The following PAX2 variants were observed in gnomAD, a reference collection of about 807,000 sequenced individuals.
PAX2 encodes paired box protein Pax-2.
PAX2 carries 9 observed loss-of-function variants against 41.7 expected under a neutral mutation model. The ratio of observed to expected loss-of-function variants is 0.22; its 90% CI spans 0.13 to 0.38. The LOEUF (loss-of-function observed/expected upper bound fraction) is 0.38, where lower values mean the gene tolerates loss of function less well. Ranked by LOEUF, PAX2 falls within the 10% of genes least tolerant of loss-of-function variation. The probability of loss-of-function intolerance (pLI) is 1.00; values close to 1 mark genes in which losing one functional copy is unlikely to be tolerated. For synonymous variants in PAX2, 221 were observed against 212.7 expected (o/e 1.04, Z -0.34); for missense variants, 418 against 531.6 (o/e 0.79, Z 2.10).
At chr10:100,783,323 G>A (rs889516505) in intron 5 of PAX2, among the ~76,000 whole-genome samples, 4 of 152,250 alleles carry the variant, frequency 2.6e-5, no homozygotes, top group African/African-American at 9.6e-5. Flanking sequence ...AAACATGTGA[G>A]CTCAAAGAGC....
At chr10:100,780,663 G>A (rs1253624496) in intron 4 of PAX2, among the ~76,000 whole-genome samples, 1 of 152,228 alleles carries the variant, frequency 6.6e-6, no homozygotes, top group Non-Finnish European at 1.5e-5. Flanking sequence ...GCAGCTGAGA[G>A]AGAGAAATGC....
At chr10:100,747,405 G>T (rs74152642) in intron 1 of PAX2, 345 of 153,692 alleles carry the variant, frequency 2.2e-3, no homozygotes, top group African/African-American at 8.0e-3. Context: ...GAGAAAAGAG[G>T]GAATTATTTT....
At position 100,748,552 on chromosome 10, in the gene PAX2, A is replaced by G. The variant is rs1334122152; in HGVS notation, c.44-1194A>G. On this transcript the variant is annotated intron_variant, in intron 1 of 9. Coordinates refer to ENST00000355243, the MANE Select transcript of PAX2 (RefSeq NM_000278.5). The surrounding 1 kb of genome is among the most constrained non-coding windows in gnomAD (Gnocchi z 5.0). ...TCCGGGCCGACCCGACTCGGCCGCTAGAAGTCTCTGCGCTTGGATTGCTCA... is the reference window on the plus strand; with the variant it reads ...TCCGGGCCGACCCGACTCGGCCGCTGGAAGTCTCTGCGCTTGGATTGCTCA... 8 of 985,296 alleles carry G rather than the reference A, an allele frequency of 8.1e-6. No individual in the cohort carries two copies. The South Asian group carries it at 3.3e-4, about 41-fold the overall frequency. The allele number at this position is 985,296 out of a possible 1,614,324, so 61.0% of individuals were successfully genotyped here.
chr10:100,750,392 C>T lies in PAX2; in HGVS notation c.213-302C>T, dbSNP rs1192414804. On this transcript the variant is annotated intron_variant, in intron 2 of 9. Transcript: ENST00000355243. The surrounding 1 kb of genome is among the most constrained non-coding windows in gnomAD (Gnocchi z 4.1). ...CTCCCAGAGACCTTGCAGCGCTGTT[C>T]GTTTTGCTCTTCCCAAGTGAAAGGC... 6.6e-6 allele frequency among the ~76,000 whole-genome samples: 1 copy of T among 152,088 alleles called. No individual in the cohort carries two copies. The highest frequency in any genetic ancestry group is 1.5e-5 in the Non-Finnish European group (1 of 68,018).
intron 6 of PAX2, among the ~76,000 whole-genome samples, chr10:100,808,853 T>C (rs116160876): frequency 5.3e-5 from 8 of 152,212 alleles, no homozygotes; most frequent in African/African-American, 1.7e-4. Flanking sequence ...CAGGAGATGC[T>C]ACAGAAACAT....
At chr10:100,788,530 G>T (rs757277024) in intron 5 of PAX2, among the ~76,000 whole-genome samples, 1 of 152,204 alleles carries the variant, frequency 6.6e-6, no homozygotes, top group Non-Finnish European at 1.5e-5. Context: ...GTGGGTGAGC[G>T]CTCCTTGGTG....
chr10:100,787,075 A>G (rs1316319058), intron 5 of PAX2: 1 of 926,690 alleles, frequency 1.1e-6, no homozygotes, highest in Non-Finnish European at 1.6e-6. Flanking sequence ...TGGCGGTTAG[A>G]GAACATTCAG....
chr10:100,760,415 A>G (rs1208503362), intron 3 of PAX2, among the ~76,000 whole-genome samples: 1 of 152,172 alleles, frequency 6.6e-6, no homozygotes, highest in Non-Finnish European at 1.5e-5. Flanking sequence ...TGGGTCAATG[A>G]ACGGGGGTTC....
In PAX2 at chr10:100,826,868, G is replaced by T. The variant is rs983758848; in HGVS notation, c.1022-141G>T. 2 of 658,176 alleles carry T rather than the reference G, an allele frequency of 3.0e-6. No homozygotes were observed. Among genetic ancestry groups the T allele is most frequent in the African/African-American group, 3.6e-5 (2 of 55,242 alleles). 40.8% of individuals were successfully genotyped at this position (658,176 alleles called of 1,614,324 possible). On this transcript the variant is annotated intron_variant, in intron 8 of 9. Coordinates refer to ENST00000355243, the MANE Select transcript of PAX2 (RefSeq NM_000278.5). The surrounding 1 kb of genome is among the most constrained non-coding windows in gnomAD (Gnocchi z 5.5). ...TGATCGCCCCACCTCCGCCCGGCCCGCCCGCCACGGCCATTACCCTGCCCG... is the reference window on the plus strand; with the variant it reads ...TGATCGCCCCACCTCCGCCCGGCCCTCCCGCCACGGCCATTACCCTGCCCG...
Position 100,750,592 on chromosome 10 carries a change from C to T in PAX2, c.213-102C>T, listed in dbSNP as rs554378940. ...TGGGCCTTTTCCCTCCACTCCGCTGCCTCGGCCGGGCAGGAGAGTGGCTCA... is the reference window on the plus strand; with the variant it reads ...TGGGCCTTTTCCCTCCACTCCGCTGTCTCGGCCGGGCAGGAGAGTGGCTCA... On this transcript the variant is annotated intron_variant, in intron 2 of 9. Transcript: ENST00000355243. The surrounding 1 kb of genome is among the most constrained non-coding windows in gnomAD (Gnocchi z 4.1). 9.6e-5 allele frequency: 101 copies of T among 1,057,216 alleles called. No homozygotes were observed. The African/African-American group carries it at 1.5e-3, about 15-fold the overall frequency. The allele number at this position is 1,057,216 out of a possible 1,614,324, so 65.5% of individuals were successfully genotyped here. A position where few individuals can be genotyped will look rare whatever the true frequency, so the allele number is the denominator to read the frequency against.
chr10:100,826,758 G>A lies in PAX2; in HGVS notation c.1022-251G>A, dbSNP rs1193921987. On this transcript the variant is annotated intron_variant, in intron 8 of 9. Transcript: ENST00000355243. This position sits in a 1 kb window ranked among gnomAD's most constrained non-coding sequence, Gnocchi z 5.5. ...GCGCCTCCGCTGGGAAGCCCTGGGC[G>A]GGCACCGGCCCACAGGTCCCGCCCG... 1.3e-5 allele frequency among the ~76,000 whole-genome samples: 2 copies of A among 152,180 alleles called. No individual in the cohort carries two copies. The highest frequency in any genetic ancestry group is 2.4e-5 in the African/African-American group (1 of 41,462).
chr10:100,782,984 G>A (rs557905461), intron 5 of PAX2, among the ~76,000 whole-genome samples: 1 of 152,342 alleles, frequency 6.6e-6, no homozygotes, highest in East Asian at 1.9e-4. Flanking sequence ...ATACCCCTCT[G>A]TACTCTCCCT....
intron 5 of PAX2, among the ~76,000 whole-genome samples, chr10:100,805,033 C>T (rs1318624863): frequency 3.3e-4 from 21 of 63,750 alleles, no homozygotes; most frequent in African/African-American, 8.9e-4. Flanking sequence ...TACACACACA[C>T]ACACACACAC....
Position 100,827,785 on chromosome 10 carries a change from C to T in PAX2, c.*166C>T, listed in dbSNP as rs1374740224. The T allele has an allele frequency of 1.7e-5, 18 of 1,034,294 alleles. No homozygotes were observed. The highest frequency in any genetic ancestry group is 2.2e-5 in the Non-Finnish European group (15 of 687,248). 64.1% of individuals were successfully genotyped at this position (1,034,294 alleles called of 1,614,324 possible). A position where few individuals can be genotyped will look rare whatever the true frequency, so the allele number is the denominator to read the frequency against. ...ACCCCCGCAACCCTTCACATCACCCCCCTCGAAGGTCGGACAGGACGGGTG... is the reference window on the plus strand; with the variant it reads ...ACCCCCGCAACCCTTCACATCACCCTCCTCGAAGGTCGGACAGGACGGGTG... On this transcript the variant is annotated 3_prime_UTR_variant, in exon 10 of 10. Coordinates refer to ENST00000355243, the MANE Select transcript of PAX2 (RefSeq NM_000278.5). This position sits in a 1 kb window ranked among gnomAD's most constrained non-coding sequence, Gnocchi z 8.5.
intron 3 of PAX2, among the ~76,000 whole-genome samples, chr10:100,760,463 T>C (rs1476204366): frequency 6.6e-6 from 1 of 152,208 alleles, no homozygotes; most frequent in Non-Finnish European, 1.5e-5. Flanking sequence ...ATCTAGTCTG[T>C]GTGCATGCAC....
chr10:100,773,664 C>T (rs376278528), intron 3 of PAX2, among the ~76,000 whole-genome samples: 2 of 152,028 alleles, frequency 1.3e-5, no homozygotes, highest in East Asian at 1.9e-4. Context: ...CTTTGCGTGG[C>T]GATCAATGAG....
In PAX2 at chr10:100,748,920, C is replaced by G. The variant is rs1008828438; in HGVS notation, c.44-826C>G. 2 of 985,254 alleles carry G rather than the reference C, an allele frequency of 2.0e-6. No homozygotes were observed. Among genetic ancestry groups the G allele is most frequent in the Non-Finnish European group, 2.4e-6 (2 of 829,928 alleles). 61.0% of individuals were successfully genotyped at this position (985,254 alleles called of 1,614,324 possible). ...CCTGGGCGAGACGGTGGGCCCCAACCAGGCTCTGCGAGGCGCGGCAGGCAG... is the reference window on the plus strand; with the variant it reads ...CCTGGGCGAGACGGTGGGCCCCAACGAGGCTCTGCGAGGCGCGGCAGGCAG... On this transcript the variant is annotated intron_variant, in intron 1 of 9. Coordinates refer to ENST00000355243, the MANE Select transcript of PAX2 (RefSeq NM_000278.5). The surrounding 1 kb of genome is among the most constrained non-coding windows in gnomAD (Gnocchi z 5.0).
chr10:100,750,782 G>C lies in PAX2; in HGVS notation c.301G>C (p.Glu101Gln), dbSNP rs1287816407. Residue 101 changes from glutamate to glutamine, a missense_variant, in exon 3 of 10, where the codon GAA becomes CAA. Transcript: ENST00000355243. The surrounding 1 kb of genome is among the most constrained non-coding windows in gnomAD (Gnocchi z 4.1). ...GCCCAAAGTGGTGGACAAGATTGCT[G>C]AATACAAACGACAGAACCCGACTAT... ...ATPKVVDKIA[E>Q]YKRQNPTMFA... 18 of 1,614,068 alleles carry C rather than the reference G, an allele frequency of 1.1e-5. No homozygotes were observed. Among genetic ancestry groups the C allele is most frequent in the Non-Finnish European group, 1.5e-5 (18 of 1,179,988 alleles).
intron 3 of PAX2, among the ~76,000 whole-genome samples, chr10:100,765,912 T>C (rs1456354620): frequency 1.0e-5 from 1 of 99,804 alleles, no homozygotes; most frequent in Admixed American, 1.1e-4. Context: ...AAAGCCTTTA[T>C]ATTTATCATC....
Sources: gnomAD v4.1 joint callset for allele counts (sites outside exome capture counted in the v4.1 genomes callset) on GRCh38, gnomAD v4.1.1 for gene constraint, Gnocchi (gnomAD v3.1) non-coding constraint, MANE v1.5 for transcripts, NCBI Gene and HGNC (gene_info 2026-07-23, HGNC 2026-07-21) for gene names.